Variants in TTC9 observed in about 807,000 individuals in gnomAD.
TTC9 encodes tetratricopeptide repeat domain 9.
Under a neutral mutation model 22.9 loss-of-function variants are expected in TTC9, and 13 were observed. The ratio of observed to expected loss-of-function variants is 0.57; its 90% CI spans 0.37 to 0.90. The LOEUF (loss-of-function observed/expected upper bound fraction) is 0.90, where lower values mean the gene tolerates loss of function less well. Among genes scored for constraint, TTC9 ranks in the 40% least tolerant of loss-of-function variants. The pLI, the probability that TTC9 is intolerant of heterozygous loss-of-function variation, is 0.01. For synonymous variants in TTC9, 148 were observed against 133.2 expected (o/e 1.11, Z -0.77); for missense variants, 280 against 291.8 (o/e 0.96, Z 0.29).
intron 1 of TTC9, among the ~76,000 whole-genome samples, chr14:70,646,071 C>G (rs984433042): frequency 2.6e-5 from 4 of 152,102 alleles, no homozygotes; most frequent in African/African-American, 9.7e-5. Context: ...CTTGAGGGGA[C>G]GCATGAAGGG....
At chr14:70,654,910 A>G (rs553430998) in intron 1 of TTC9, among the ~76,000 whole-genome samples, 65 of 152,306 alleles carry the variant, frequency 4.3e-4, no homozygotes, top group African/African-American at 1.3e-3. Context: ...CAGTTTGAAC[A>G]CTTGGTTGCC....
intron 1 of TTC9, among the ~76,000 whole-genome samples, chr14:70,663,697 A>G (rs932052921): frequency 7.0e-6 from 1 of 142,476 alleles, no homozygotes; most frequent in Non-Finnish European, 1.5e-5. Flanking sequence ...CCCATCTGTT[A>G]GCCCCAGGTG....
chr14:70,650,275 T>C (rs1885964231), intron 1 of TTC9, among the ~76,000 whole-genome samples: 1 of 152,060 alleles, frequency 6.6e-6, no homozygotes, highest in African/African-American at 2.4e-5. Flanking sequence ...ATACAAAAAT[T>C]AGCTGGGCAT....
At chr14:70,666,529 AT>A (rs993633149) in intron 1 of TTC9, among the ~76,000 whole-genome samples, 1 of 152,134 alleles carries the variant, frequency 6.6e-6, no homozygotes, top group African/African-American at 2.4e-5. Flanking sequence ...GTTAACTAAC[AT>A]TTTTTTCATG....
intron 1 of TTC9, among the ~76,000 whole-genome samples, chr14:70,666,162 A>G (rs1223885504): frequency 6.6e-6 from 1 of 152,042 alleles, no homozygotes; most frequent in Non-Finnish European, 1.5e-5. Context: ...CGAAATTTCA[A>G]TCATTCTTCA....
chr14:70,659,159 C>CA (rs1886110797), intron 1 of TTC9, among the ~76,000 whole-genome samples: 1 of 151,938 alleles, frequency 6.6e-6, no homozygotes, highest in African/African-American at 2.4e-5. Context: ...CACACACACA[C>CA]ACATACTGGG....
At position 70,642,218 on chromosome 14, in the gene TTC9, G is replaced by T; in HGVS notation, c.89G>T (p.Cys30Phe). Reference sequence around the variant, plus strand: ...GGGCAGCGGCCACCGCCGCCGCTGTGCGTCCCGGGCGGCGGCGGAGGAGCC... The same window carrying T: ...GGGCAGCGGCCACCGCCGCCGCTGTTCGTCCCGGGCGGCGGCGGAGGAGCC... ...GEGQRPPPPL[C>F]VPGGGGGAPA... The change falls in exon 1 of 3, where the codon TGC becomes TTC. Residue 30 changes from cysteine to phenylalanine, a missense_variant. By Grantham distance (205) the Cys-to-Phe change is radical. This residue lies in a region of TTC9 where 49 missense variants were observed against 39.8 expected (regional missense o/e 1.23). Coordinates refer to ENST00000256367, the MANE Select transcript of TTC9 (RefSeq NM_015351.2). The T allele has an allele frequency of 7.8e-7, 1 of 1,288,450 alleles. No homozygotes were observed. The highest frequency in any genetic ancestry group is 9.8e-7 in the Non-Finnish European group (1 of 1,017,012). 79.8% of individuals were successfully genotyped at this position (1,288,450 alleles called of 1,614,324 possible). A position where few individuals can be genotyped will look rare whatever the true frequency, so the allele number is the denominator to read the frequency against.
intron 1 of TTC9, among the ~76,000 whole-genome samples, chr14:70,667,077 G>A (rs186017333): frequency 1.3e-5 from 2 of 152,306 alleles, no homozygotes; most frequent in Non-Finnish European, 2.9e-5. Flanking sequence ...TGAGGTTCTG[G>A]TAGCCTCAGG....
At chr14:70,647,801 A>G (rs1198201702) in intron 1 of TTC9, among the ~76,000 whole-genome samples, 1 of 152,234 alleles carries the variant, frequency 6.6e-6, no homozygotes, top group Non-Finnish European at 1.5e-5. Context: ...CAAGAAGGCA[A>G]TAGCAGAGTA....
At chr14:70,663,989 C>G in intron 1 of TTC9, among the ~76,000 whole-genome samples, 1 of 152,172 alleles carries the variant, frequency 6.6e-6, no homozygotes, top group East Asian at 1.9e-4. Context: ...CAAGTTACTT[C>G]ATTTCTCTGG....
intron 1 of TTC9, among the ~76,000 whole-genome samples, chr14:70,643,799 A>T (rs1333817726): frequency 3.3e-5 from 5 of 152,216 alleles, no homozygotes; most frequent in Non-Finnish European, 7.3e-5. Context: ...CTCATCTTTG[A>T]TCGGGTAAAA....
chr14:70,670,993 C>T, intron 2 of TTC9, 83 bp from the exon 3 acceptor site: 2 of 1,363,304 alleles, frequency 1.5e-6, no homozygotes, highest in South Asian at 2.5e-5. Flanking sequence ...TGGATGTCTG[C>T]AGACACAGCC....
intron 1 of TTC9, among the ~76,000 whole-genome samples, chr14:70,652,947 AC>A (rs1162180672): frequency 1.3e-5 from 2 of 152,154 alleles, no homozygotes; most frequent in Non-Finnish European, 2.9e-5. Flanking sequence ...ACCTCAGAAA[AC>A]CTGAGGGGTA....
chr14:70,669,305 A>C (rs1886258518), intron 2 of TTC9, among the ~76,000 whole-genome samples: 1 of 151,846 alleles, frequency 6.6e-6, no homozygotes, highest in African/African-American at 2.4e-5. Flanking sequence ...TTTCAGACAG[A>C]GTCTCGCTCT....
At position 70,673,481 on chromosome 14, in the gene TTC9, C is replaced by T. The variant is rs1886324983; in HGVS notation, c.*2326C>T. On this transcript the variant is annotated 3_prime_UTR_variant, in exon 3 of 3. Coordinates refer to ENST00000256367, the MANE Select transcript of TTC9 (RefSeq NM_015351.2). ...TCTCCCCAATCCCTACTATATTATG[C>T]TGTCTTTCCTCTTCCTCCTAGCTGG... The T allele has an allele frequency of 6.6e-6, 1 of 152,280 alleles. No homozygotes were observed. The highest frequency in any genetic ancestry group is 1.5e-5 in the Non-Finnish European group (1 of 68,082). The allele number at this position is 152,280 out of a possible 1,614,324, so 9.4% of individuals were successfully genotyped here.
Position 70,642,408 on chromosome 14 carries a change from C to G in TTC9, c.279C>G (p.Pro93=), listed in dbSNP as rs374263347. Residue 93 remains proline, a synonymous_variant, in exon 1 of 3, where the codon CCC becomes CCG. Coordinates refer to ENST00000256367, the MANE Select transcript of TTC9 (RefSeq NM_015351.2). ...TGGAGCTGAAGGGGCTGCTGCCGCC[C>G]CCCGGGGAACGGGAGCGGGACTCGC... ...ALLELKGLLP[P]PGERERDSRP... The G allele has an allele frequency of 1.3e-6, 2 of 1,597,856 alleles. No homozygotes were observed. The highest frequency in any genetic ancestry group is 2.3e-5 in the East Asian group (1 of 43,886).
At chr14:70,660,441 C>T (rs1230320758) in intron 1 of TTC9, among the ~76,000 whole-genome samples, 1 of 152,210 alleles carries the variant, frequency 6.6e-6, no homozygotes, top group African/African-American at 2.4e-5. Flanking sequence ...GTACACATTG[C>T]TGGGCAAACC....
chr14:70,658,853 A>G (rs967913652), intron 1 of TTC9, among the ~76,000 whole-genome samples: 2 of 152,226 alleles, frequency 1.3e-5, no homozygotes, highest in Non-Finnish European at 2.9e-5. Flanking sequence ...GTACATCCAT[A>G]CCATGCAATA....
rs762892061 is a variant in TTC9, at chr14:70,659,132, G to GCGCGCACACACACACACACA, written c.407-8431_407-8430insGCGCACACACACACACACAC. On this transcript the variant is annotated intron_variant, in intron 1 of 2. Coordinates refer to ENST00000256367, the MANE Select transcript of TTC9 (RefSeq NM_015351.2). The stretch of plus-strand genomic sequence containing the variant: ...TGTATATAACTAAACACACACACAC[G>GCGCGCACACACACACACACA]CACACACACACACACACACACACAC... Among the ~76,000 whole-genome samples the GCGCGCACACACACACACACA allele has an allele frequency of 1.4e-3, 201 of 144,328 alleles. 1 individual carries two copies. The highest frequency in any genetic ancestry group is 0.013 in the East Asian group (65 of 4,950). 94.7% of individuals were successfully genotyped at this position (144,328 alleles called of 152,430 possible).
Sources: gnomAD v4.1 joint callset for allele counts (sites outside exome capture counted in the v4.1 genomes callset) on GRCh38, gnomAD v4.1.1 for gene constraint, gnomAD v4.1.1 regional missense constraint, MANE v1.5 for transcripts, NCBI Gene and HGNC (gene_info 2026-07-23, HGNC 2026-07-21) for gene names.